Variants in ATP6V0A4 observed in about 807,000 individuals in gnomAD.
ATP6V0A4 encodes the protein V-type proton ATPase 116 kDa subunit a 4.
Under a neutral mutation model 107.3 loss-of-function variants are expected in ATP6V0A4, and 86 were observed. That is an observed-to-expected ratio of 0.80 (90% CI 0.67 to 0.96). The LOEUF (loss-of-function observed/expected upper bound fraction) is 0.96. Ranked by LOEUF, ATP6V0A4 falls within the 40% of genes least tolerant of loss-of-function variation. The probability of loss-of-function intolerance (pLI) is 0.00; values close to 1 mark genes in which losing one functional copy is unlikely to be tolerated. For synonymous variants in ATP6V0A4, 353 were observed against 381.4 expected (o/e 0.93, Z 0.87); for missense variants, 908 against 1,045.6 (o/e 0.87, Z 1.81).
In ATP6V0A4 at chr7:138,713,871, C is replaced by T. The variant is rs566455544; in HGVS notation, c.2257+1893G>A. Among the ~76,000 whole-genome samples, 137 of 151,090 alleles carry T rather than the reference C, an allele frequency of 9.1e-4. 3 individuals carry two copies. In the South Asian group the frequency reaches 0.028, roughly 31 times the overall value. On this transcript the variant is annotated intron_variant, in intron 20 of 21. Transcript: ENST00000310018. The stretch of plus-strand genomic sequence containing the variant: ...ATCCCAGCACTTTGGGAGGCCAAGG[C>T]AGGAGGACTGTTTGAGCCCAGAAGT...
At chr7:138,752,474 A>C (rs1806283111) in intron 11 of ATP6V0A4, 151 bp downstream of exon 11, 1 of 970,700 alleles carries the variant, frequency 1.0e-6, no homozygotes, top group Non-Finnish European at 1.6e-6. Context: ...TATGTCCTCG[A>C]GTGGGGTTGA....
At chr7:138,720,168 C>G (rs562069843) in intron 19 of ATP6V0A4, among the ~76,000 whole-genome samples, 1 of 152,140 alleles carries the variant, frequency 6.6e-6, no homozygotes, top group Non-Finnish European at 1.5e-5. Context: ...CCCAAACTTG[C>G]GGCTGGGATC....
chr7:138,766,264 G>A (rs902866347), intron 5 of ATP6V0A4, among the ~76,000 whole-genome samples: 1 of 149,172 alleles, frequency 6.7e-6, no homozygotes, highest in Admixed American at 6.8e-5. Flanking sequence ...GTGCAGTAGT[G>A]CGATCTCGGT....
intron 15 of ATP6V0A4, among the ~76,000 whole-genome samples, chr7:138,738,997 T>C (rs1805482529): frequency 6.6e-6 from 1 of 152,212 alleles, no homozygotes; most frequent in Non-Finnish European, 1.5e-5. Flanking sequence ...CCGCTTTATA[T>C]CTACAGGCTG....
At chr7:138,718,598 A>ATGGGGAGGAATGGGGAGGAC (rs2117204184) in intron 19 of ATP6V0A4, among the ~76,000 whole-genome samples, 1 of 67,140 alleles carries the variant, frequency 1.5e-5, no homozygotes, top group South Asian at 6.2e-4. Context: ...ATGGGGAGGA[A>ATGGGGAGGAATGGGGAGGAC]TGGGGAGGAA....
chr7:138,765,752 T>TTGTTTC, intron 5 of ATP6V0A4, among the ~76,000 whole-genome samples: 1 of 152,180 alleles, frequency 6.6e-6, no homozygotes, highest in East Asian at 1.9e-4. Flanking sequence ...GTTTTTGTTT[T>TTGTTTC]TGTTTTTGTT....
intron 7 of ATP6V0A4, among the ~76,000 whole-genome samples, chr7:138,761,968 C>T (rs574450920): frequency 6.6e-6 from 1 of 152,166 alleles, no homozygotes; most frequent in Admixed American, 6.6e-5. Flanking sequence ...GTGTGAGCCA[C>T]CACGCCCGGC....
intron 2 of ATP6V0A4, among the ~76,000 whole-genome samples, chr7:138,771,566 T>C (rs559001873): frequency 8.5e-5 from 13 of 152,290 alleles, no homozygotes; most frequent in African/African-American, 3.1e-4. Flanking sequence ...GATGCCCAGC[T>C]ATCCTGATTC....
chr7:138,728,300 G>C (rs954123408), intron 18 of ATP6V0A4, among the ~76,000 whole-genome samples: 5 of 151,202 alleles, frequency 3.3e-5, no homozygotes, highest in Admixed American at 2.0e-4. Flanking sequence ...TCGGCTCACC[G>C]CAATCTCCCC....
At chr7:138,769,843 C>T (rs745616525) in intron 3 of ATP6V0A4, among the ~76,000 whole-genome samples, 2 of 152,032 alleles carry the variant, frequency 1.3e-5, no homozygotes, top group African/African-American at 2.4e-5. Flanking sequence ...TTTGGGAGGT[C>T]GAGGCTGGTG....
At chr7:138,793,034 C>T (rs1224360502) in intron 1 of ATP6V0A4, among the ~76,000 whole-genome samples, 1 of 152,152 alleles carries the variant, frequency 6.6e-6, no homozygotes, top group Non-Finnish European at 1.5e-5. Flanking sequence ...TGGCTCACAC[C>T]TGTAATCCCA....
intron 20 of ATP6V0A4, among the ~76,000 whole-genome samples, chr7:138,713,016 C>T (rs974519955): frequency 3.3e-5 from 5 of 151,966 alleles, no homozygotes; most frequent in Non-Finnish European, 7.4e-5. Context: ...TGCGGCCGGG[C>T]GCGGTGGCTC....
At position 138,789,229 on chromosome 7, in the gene ATP6V0A4, T is replaced by TGTTG. The variant is rs61299709; in HGVS notation, c.-120-2970_-120-2969insCAAC. On this transcript the variant is annotated intron_variant, in intron 1 of 21. Transcript: ENST00000310018. ...GTTAAGGTTTTTTGGGGGGTTTTTT[T>TGTTG]TTGTTGTTGTTGTTGTTTTTGTCTT... Among the ~76,000 whole-genome samples the TGTTG allele has an allele frequency of 3.6e-3, 551 of 151,468 alleles. 3 individuals carry two copies. The highest frequency in any genetic ancestry group is 0.013 in the African/African-American group (526 of 41,324).
chr7:138,767,454 C>A (rs1245223382), intron 5 of ATP6V0A4, among the ~76,000 whole-genome samples: 1 of 151,008 alleles, frequency 6.6e-6, no homozygotes, highest in Non-Finnish European at 1.5e-5. Context: ...GCCTGGGAGG[C>A]AGAGGTTGCA....
chr7:138,728,583 C>T (rs1419994545), intron 18 of ATP6V0A4, among the ~76,000 whole-genome samples, 178 bp downstream of exon 18: 3 of 152,044 alleles, frequency 2.0e-5, no homozygotes, highest in East Asian at 1.9e-4. Flanking sequence ...GGAAATAAGA[C>T]GGCCCAGTGG....
chr7:138,722,961 G>A (rs1268134210), intron 18 of ATP6V0A4, among the ~76,000 whole-genome samples: 1 of 150,120 alleles, frequency 6.7e-6, no homozygotes, highest in East Asian at 2.0e-4. Context: ...GGGAGGCTGA[G>A]GAAGGAGAAT....
intron 2 of ATP6V0A4, among the ~76,000 whole-genome samples, chr7:138,776,275 G>A (rs1311473568): frequency 6.6e-6 from 1 of 152,208 alleles, no homozygotes; most frequent in Non-Finnish European, 1.5e-5. Context: ...GGCAGCGATT[G>A]TGAACCTGGG....
At position 138,749,315 on chromosome 7, in the gene ATP6V0A4, T is replaced by C. The variant is rs771851646; in HGVS notation, c.1032A>G (p.Glu344=). The C allele has an allele frequency of 6.2e-7, 1 of 1,602,970 alleles. No homozygotes were observed. Among genetic ancestry groups the C allele is most frequent in the Non-Finnish European group, 8.5e-7 (1 of 1,176,592 alleles). The change falls in exon 12 of 22, where the codon GAA becomes GAG. Residue 344 remains glutamate, a splice_region_variant and synonymous_variant. Coordinates refer to ENST00000310018, the MANE Select transcript of ATP6V0A4 (RefSeq NM_020632.3). ...TGGGGGCCATGGAGGAGCCACTTAG[T>C]TCCTGGAAAAAAAAAAAAAAGCGAC... ...RIKRALEQGM[E]LSGSSMAPIM...
rs376812412 is a variant in ATP6V0A4 at position 138,709,728 on chromosome 7, G to A, written c.2325C>T (p.Ile775=). The change falls in exon 21 of 22, where the codon ATC becomes ATT. Residue 775 remains isoleucine, a synonymous_variant. Coordinates refer to ENST00000310018, the MANE Select transcript of ATP6V0A4 (RefSeq NM_020632.3). ...CGGCAAAAATAATAAAAACCCCGAC[G>A]ATTCCTCCCCAGCCTCGCGTCTGAA... ...SGLQTRGWGG[I]VGVFIIFAVF... is the part of the protein sequence containing the mutation. 8.7e-6 allele frequency: 14 copies of A among 1,613,816 alleles called. No individual in the cohort carries two copies. The highest frequency in any genetic ancestry group is 1.7e-5 in the Admixed American group (1 of 59,958).
Sources: allele counts gnomAD v4.1 joint callset (sites outside exome capture counted in the v4.1 genomes callset), GRCh38; gene constraint gnomAD v4.1.1; transcripts MANE v1.5; gene names NCBI Gene and HGNC (gene_info 2026-07-23, HGNC 2026-07-21).